CDH4: variants seen among roughly 807,000 people sequenced by gnomAD.
CDH4 encodes the protein cadherin-4.
Under a neutral mutation model 86.0 loss-of-function variants are expected in CDH4, and 33 were observed. That is an observed-to-expected ratio of 0.38 (90% confidence interval 0.29 to 0.51). The LOEUF (loss-of-function observed/expected upper bound fraction) is 0.51. CDH4 is among the 20% of genes least tolerant of loss of function. The pLI is 0.86. For synonymous variants in CDH4, 555 were observed against 549.4 expected, an observed-to-expected ratio of 1.01 and a Z score of -0.14; for missense variants, 1,114 against 1,307.4, an observed-to-expected ratio of 0.85 and a Z score of 2.28.
intron 3 of CDH4, among the ~76,000 whole-genome samples, chr20:61,746,184 T>C (rs1310301747): frequency 6.6e-6 from 1 of 152,038 alleles, no homozygotes; most frequent in African/African-American, 2.4e-5. Flanking sequence ...TCCTGAGTGA[T>C]TATTACAAGC....
intron 2 of CDH4, chr20:61,738,409 C>G (rs2088291704): frequency 6.6e-6 from 1 of 152,066 alleles, no homozygotes; most frequent in African/African-American, 2.4e-5. Context: ...GTGGCACCTG[C>G]ATTTCCTCAC....
rs139680454 is a variant in CDH4 at position 61,473,358 on chromosome 20, C to T, written c.169+218421C>T. 1.1e-4 allele frequency among the ~76,000 whole-genome samples: 17 copies of T among 152,274 alleles called. No individual in the cohort carries two copies. The East Asian group carries it at 3.3e-3, about 29-fold the overall frequency. Reference sequence around the variant, plus strand: ...AGGCAAATTTCTGGATCCTTAACAGCAGGCTCTGGTGAGTCTGCAGGAGCC... The same window carrying T: ...AGGCAAATTTCTGGATCCTTAACAGTAGGCTCTGGTGAGTCTGCAGGAGCC... On this transcript the variant is annotated intron_variant, in intron 2 of 15. Coordinates refer to ENST00000614565, the MANE Select transcript of CDH4 (RefSeq NM_001794.5).
intron 2 of CDH4, among the ~76,000 whole-genome samples, chr20:61,592,929 C>A (rs373735382): frequency 6.6e-6 from 1 of 152,060 alleles, no homozygotes; most frequent in South Asian, 2.1e-4. Flanking sequence ...GTGGGGGTGA[C>A]GAAGTTTAGG....
intron 4 of CDH4, among the ~76,000 whole-genome samples, chr20:61,803,017 G>A (rs866894375): frequency 2.6e-5 from 4 of 152,184 alleles, no homozygotes; most frequent in Non-Finnish European, 4.4e-5. Context: ...TGTCACTGCC[G>A]GGGCCTGATT....
At chr20:61,888,298 C>T (rs1984637306) in intron 7 of CDH4, among the ~76,000 whole-genome samples, 1 of 152,242 alleles carries the variant, frequency 6.6e-6, no homozygotes. Flanking sequence ...AGCCTGTCCA[C>T]CGCTGCTGGC....
chr20:61,846,288 C>T (rs1271852828), intron 5 of CDH4, among the ~76,000 whole-genome samples: 2 of 152,222 alleles, frequency 1.3e-5, no homozygotes, highest in Non-Finnish European at 2.9e-5. Context: ...GCTGGGCCCC[C>T]CAGGAGTGGC....
intron 2 of CDH4, among the ~76,000 whole-genome samples, chr20:61,711,186 G>T (rs549095771): frequency 1.1e-4 from 16 of 152,268 alleles, no homozygotes; most frequent in African/African-American, 3.6e-4. Flanking sequence ...TTTATAAGGG[G>T]TTCTTCCCCC....
At chr20:61,492,352 G>A (rs550526357) in intron 2 of CDH4, among the ~76,000 whole-genome samples, 2 of 150,186 alleles carry the variant, frequency 1.3e-5, no homozygotes, top group South Asian at 4.2e-4. Flanking sequence ...GATGTTGATG[G>A]TGGTGGTGTT....
chr20:61,331,626 TCCTGCCC>T (rs1297962886), intron 2 of CDH4, among the ~76,000 whole-genome samples: 2,369 of 33,468 alleles, frequency 0.071, no homozygotes, highest in Admixed American at 0.09. Context: ...CAGGCCCACC[TCCTGCCC>T]CAGACCCACC....
intron 2 of CDH4, among the ~76,000 whole-genome samples, chr20:61,382,990 C>T (rs1322484134): frequency 6.7e-6 from 1 of 149,294 alleles, no homozygotes; most frequent in South Asian, 2.1e-4. Context: ...AAAAACCAAT[C>T]ACTGTGTATC....
At chr20:61,746,549 C>T (rs564060555) in intron 3 of CDH4, among the ~76,000 whole-genome samples, 1 of 152,290 alleles carries the variant, frequency 6.6e-6, no homozygotes, top group East Asian at 1.9e-4. Context: ...TGGAAAAGGA[C>T]TTTGCAGGTA....
At chr20:61,899,619 G>A (rs2122886314) in intron 8 of CDH4, among the ~76,000 whole-genome samples, 1 of 152,210 alleles carries the variant, frequency 6.6e-6, no homozygotes, top group East Asian at 1.9e-4. Context: ...AGTAGTGATG[G>A]GGTTTCACTG....
rs550148510 is a variant in CDH4, at chr20:61,310,880, A to G, written c.169+55943A>G. ...GTCACCTCAGATTGGAGCCCACCCT[A>G]AGGACCTCATTTTGCCTTAATCACC... is the stretch of plus-strand genomic sequence containing the variant. On this transcript the variant is annotated intron_variant, in intron 2 of 15. Coordinates refer to ENST00000614565, the MANE Select transcript of CDH4 (RefSeq NM_001794.5). 7.2e-4 allele frequency among the ~76,000 whole-genome samples: 110 copies of G among 152,168 alleles called. 1 individual carries two copies. The South Asian group carries it at 9.6e-3, about 13-fold the overall frequency.
chr20:61,495,267 GC>G (rs2085652313), intron 2 of CDH4, among the ~76,000 whole-genome samples: 1 of 152,204 alleles, frequency 6.6e-6, no homozygotes, highest in South Asian at 2.1e-4. Context: ...CATGTCCCAG[GC>G]CCTGGAGCTC....
At chr20:61,524,697 CT>C (rs902501616) in intron 2 of CDH4, among the ~76,000 whole-genome samples, 8 of 152,268 alleles carry the variant, frequency 5.3e-5, no homozygotes, top group Admixed American at 5.2e-4. Flanking sequence ...GTTGCCCAGG[CT>C]GGTCTCGAAC....
chr20:61,759,780 C>T (rs1341193425), intron 3 of CDH4, among the ~76,000 whole-genome samples: 1 of 152,148 alleles, frequency 6.6e-6, no homozygotes, highest in Non-Finnish European at 1.5e-5. Flanking sequence ...GGGCACTAGG[C>T]GAGACCCGAG....
intron 2 of CDH4, among the ~76,000 whole-genome samples, chr20:61,514,253 C>T (rs1347052376): frequency 2.0e-5 from 3 of 152,000 alleles, no homozygotes; most frequent in African/African-American, 7.3e-5. Context: ...CTTCAGACCC[C>T]TCAGGAAGAA....
chr20:61,733,432 G>C (rs891701391), intron 2 of CDH4, among the ~76,000 whole-genome samples: 1 of 152,038 alleles, frequency 6.6e-6, no homozygotes. Flanking sequence ...CGACTTTCTG[G>C]GTCTGCTCCC....
At chr20:61,412,882 G>T (rs1285440725) in intron 2 of CDH4, among the ~76,000 whole-genome samples, 1 of 152,192 alleles carries the variant, frequency 6.6e-6, no homozygotes, top group Non-Finnish European at 1.5e-5. Flanking sequence ...CCAGGGTCAA[G>T]CCCTGGGAAC....
Sources: allele counts gnomAD v4.1 joint callset (sites outside exome capture counted in the v4.1 genomes callset), GRCh38; gene constraint gnomAD v4.1.1; transcripts MANE v1.5; gene names NCBI Gene and HGNC (gene_info 2026-07-23, HGNC 2026-07-21).